Variants in CNTNAP5 observed in about 807,000 individuals in gnomAD.
The protein encoded by CNTNAP5 is contactin associated protein family member 5, also known as contactin-associated protein-like 5.
Under a neutral mutation model 150.2 loss-of-function variants are expected in CNTNAP5, and 72 were observed. The observed-to-expected ratio is 0.48, with a 90% CI of 0.40 to 0.58. CNTNAP5 has a LOEUF of 0.58. CNTNAP5 is among the 20% of genes least tolerant of loss of function. The probability of loss-of-function intolerance (pLI) is 0.00; values close to 1 mark genes in which losing one functional copy is unlikely to be tolerated. For missense variants in CNTNAP5, 1,636 were observed against 1,626.2 expected (o/e 1.01, Z -0.10); for synonymous variants, 672 against 619.8 (o/e 1.08, Z -1.25).
intron 3 of CNTNAP5, among the ~76,000 whole-genome samples, chr2:124,264,341 A>G (rs1687543303): frequency 2.0e-5 from 3 of 151,436 alleles, no homozygotes; most frequent in Non-Finnish European, 4.4e-5. Flanking sequence ...ACAATGCAGT[A>G]CCCAAATCTA....
chr2:124,690,927 G>A (rs72845898), intron 13 of CNTNAP5, among the ~76,000 whole-genome samples: 1 of 152,028 alleles, frequency 6.6e-6, no homozygotes, highest in Non-Finnish European at 1.5e-5. Flanking sequence ...TACCCTCAAG[G>A]TTTGCAGAAA....
At chr2:124,050,073 A>G (rs146877701) in intron 1 of CNTNAP5, among the ~76,000 whole-genome samples, 86 of 152,284 alleles carry the variant, frequency 5.6e-4, no homozygotes, top group Middle Eastern at 6.8e-3. Flanking sequence ...GGGTACACAA[A>G]TATTCAAACC....
chr2:124,525,462 T>C (rs1694942930), intron 9 of CNTNAP5, among the ~76,000 whole-genome samples: 1 of 152,184 alleles, frequency 6.6e-6, no homozygotes, highest in Non-Finnish European at 1.5e-5. Context: ...AGTTTCCTTA[T>C]TTTTTTCCTA....
At chr2:124,688,889 AAGTT>A (rs1679246329) in intron 13 of CNTNAP5, among the ~76,000 whole-genome samples, 4 of 152,106 alleles carry the variant, frequency 2.6e-5, no homozygotes, top group African/African-American at 9.7e-5. Context: ...TCACAGGTAA[AAGTT>A]AGCTGTAAAA....
intron 21 of CNTNAP5, among the ~76,000 whole-genome samples, chr2:124,871,243 G>T (rs1427039113): frequency 7.2e-6 from 1 of 139,178 alleles, no homozygotes; most frequent in Non-Finnish European, 1.5e-5. Flanking sequence ...TTCTGTTTAA[G>T]GTTCCCTTCA....
chr2:124,604,972 AT>A (rs1356274892), intron 11 of CNTNAP5, among the ~76,000 whole-genome samples: 1 of 152,106 alleles, frequency 6.6e-6, no homozygotes, highest in Admixed American at 6.5e-5. Flanking sequence ...GCTTCTTGGG[AT>A]TTTTTTCTGA....
At chr2:124,760,524 G>A (rs1175648761) in intron 14 of CNTNAP5, among the ~76,000 whole-genome samples, 1 of 151,918 alleles carries the variant, frequency 6.6e-6, no homozygotes, top group Non-Finnish European at 1.5e-5. Flanking sequence ...TAAACTTAGA[G>A]AAGACCACAT....
At chr2:124,896,330 TAA>T (rs1347962787) in intron 21 of CNTNAP5, among the ~76,000 whole-genome samples, 1 of 151,418 alleles carries the variant, frequency 6.6e-6, no homozygotes, top group African/African-American at 2.5e-5. Flanking sequence ...TTGTTGATAT[TAA>T]GAGATATTTA....
chr2:124,393,358 G>C (rs890975984), intron 3 of CNTNAP5, among the ~76,000 whole-genome samples: 2 of 152,216 alleles, frequency 1.3e-5, no homozygotes, highest in East Asian at 1.9e-4. Context: ...CTTCATCTCA[G>C]CTGGGACTCC....
rs560493041 is a variant in CNTNAP5 at position 124,807,205 on chromosome 2, T to G, written c.3217+8885T>G. On this transcript the variant is annotated intron_variant, in intron 19 of 23. Coordinates refer to ENST00000682447, the MANE Select transcript of CNTNAP5 (RefSeq NM_001367498.1). The stretch of plus-strand genomic sequence containing the variant: ...CAGCAAGGAGGCCTTGAATTATCAT[T>G]ATTTCTCCTAATTCAAAGTCATTGA... 2.6e-5 allele frequency among the ~76,000 whole-genome samples: 4 copies of G among 152,278 alleles called. No homozygotes were observed. The South Asian group carries it at 8.3e-4, about 32-fold the overall frequency.
rs1016370795 is a variant in CNTNAP5 at position 124,094,991 on chromosome 2, C to T, written c.82+69259C>T. Among the ~76,000 whole-genome samples, 11 of 152,176 alleles carry T rather than the reference C, an allele frequency of 7.2e-5. No individual in the cohort carries two copies. In the South Asian group the frequency reaches 1.4e-3, roughly 20 times the overall value. On this transcript the variant is annotated intron_variant, in intron 1 of 23. Coordinates refer to ENST00000682447, the MANE Select transcript of CNTNAP5 (RefSeq NM_001367498.1). ...ATTTTACCTTTAAAAAGCTGCACTGCGTGTGTCTTTATAGTAGAATGATTT... is the reference window on the plus strand; with the variant it reads ...ATTTTACCTTTAAAAAGCTGCACTGTGTGTGTCTTTATAGTAGAATGATTT...
At chr2:124,713,753 G>T (rs910317404) in intron 13 of CNTNAP5, among the ~76,000 whole-genome samples, 2 of 152,000 alleles carry the variant, frequency 1.3e-5, no homozygotes, top group African/African-American at 4.8e-5. Context: ...CTACCAGAAG[G>T]TCCATTCCAA....
intron 10 of CNTNAP5, among the ~76,000 whole-genome samples, chr2:124,561,878 C>A (rs187173095): frequency 1.5e-3 from 232 of 152,208 alleles, no homozygotes; most frequent in African/African-American, 5.4e-3. Flanking sequence ...GTATTATATA[C>A]CACTTCTGTA....
At chr2:124,234,902 C>T (rs1031060593) in intron 2 of CNTNAP5, among the ~76,000 whole-genome samples, 3 of 152,194 alleles carry the variant, frequency 2.0e-5, no homozygotes, top group Non-Finnish European at 2.9e-5. Flanking sequence ...GGTTCACACA[C>T]TGTCTCAGAG....
At chr2:124,808,783 T>G (rs545441468) in intron 19 of CNTNAP5, among the ~76,000 whole-genome samples, 1 of 152,242 alleles carries the variant, frequency 6.6e-6, no homozygotes, top group Admixed American at 6.5e-5. Context: ...CTGTTCAGGC[T>G]AATATGCAAG....
intron 3 of CNTNAP5, among the ~76,000 whole-genome samples, chr2:124,259,758 CA>C (rs1687405889): frequency 6.6e-6 from 1 of 152,270 alleles, no homozygotes; most frequent in East Asian, 1.9e-4. Context: ...AGTGAACTCC[CA>C]TTCACAATTG....
chr2:124,818,325 G>C (rs1682411835), intron 19 of CNTNAP5, among the ~76,000 whole-genome samples: 1 of 152,086 alleles, frequency 6.6e-6, no homozygotes, highest in Non-Finnish European at 1.5e-5. Context: ...TTCAAGACCA[G>C]CCTGGGAAAC....
At chr2:124,638,006 T>C (rs1434980208) in intron 12 of CNTNAP5, among the ~76,000 whole-genome samples, 1 of 152,002 alleles carries the variant, frequency 6.6e-6, no homozygotes, top group African/African-American at 2.4e-5. Context: ...ACCTAGATGT[T>C]TGTTTGCTCA....
At chr2:124,348,260 A>G (rs1014381178) in intron 3 of CNTNAP5, among the ~76,000 whole-genome samples, 1 of 152,144 alleles carries the variant, frequency 6.6e-6, no homozygotes, top group Non-Finnish European at 1.5e-5. Flanking sequence ...ATATAAGAAA[A>G]CAGAATTTTC....
Sources: gnomAD v4.1 joint callset for allele counts (sites outside exome capture counted in the v4.1 genomes callset) on GRCh38, gnomAD v4.1.1 for gene constraint, MANE v1.5 for transcripts, NCBI Gene and HGNC (gene_info 2026-07-23, HGNC 2026-07-21) for gene names.